Variants in MIS18A observed in about 807,000 individuals in gnomAD.
MIS18A encodes MIS18 kinetochore protein A.
MIS18A carries 14 observed loss-of-function variants against 25.0 expected under a neutral mutation model. The observed-to-expected ratio is 0.56, with a 90% CI of 0.37 to 0.88. MIS18A has a LOEUF of 0.88. Among genes scored for constraint, MIS18A ranks in the 40% least tolerant of loss-of-function variants. The pLI is 0.00. For missense variants in MIS18A, 292 were observed against 290.8 expected (o/e 1.00, Z -0.03); for synonymous variants, 134 against 118.6 (o/e 1.13, Z -0.84).
chr21:32,245,213 T>C, the MIS18A span, among the ~76,000 whole-genome samples: 9 of 152,278 alleles, frequency 5.9e-5, no homozygotes, highest in East Asian at 1.7e-3. Context: ...TACAATAAAT[T>C]AAAAGAATGC....
the MIS18A span, among the ~76,000 whole-genome samples, chr21:32,235,870 T>A: frequency 6.6e-6 from 1 of 152,250 alleles, no homozygotes; most frequent in East Asian, 1.9e-4. Context: ...GGACAGCTCT[T>A]ACTTCCAGGA....
the MIS18A span, among the ~76,000 whole-genome samples, chr21:32,230,957 G>A: frequency 2.0e-5 from 3 of 152,166 alleles, no homozygotes; most frequent in Non-Finnish European, 4.4e-5. Context: ...CACACAGGCT[G>A]GGCGCAGTGG....
At chr21:32,234,018 G>A in the MIS18A span, among the ~76,000 whole-genome samples, 1 of 152,138 alleles carries the variant, frequency 6.6e-6, no homozygotes, top group African/African-American at 2.4e-5. Context: ...TGGGCTCCTG[G>A]GGCAGAAAAA....
the MIS18A span, among the ~76,000 whole-genome samples, chr21:32,259,372 G>GA: frequency 6.6e-6 from 1 of 152,148 alleles, no homozygotes; most frequent in Non-Finnish European, 1.5e-5. Context: ...GAAGGCTGGG[G>GA]AGCCACTTTT....
At chr21:32,161,167 C>T in the MIS18A span, among the ~76,000 whole-genome samples, 1 of 152,196 alleles carries the variant, frequency 6.6e-6, no homozygotes, top group African/African-American at 2.4e-5. Context: ...TATTAAAGTT[C>T]ATACTTTAGC....
the MIS18A span, among the ~76,000 whole-genome samples, chr21:32,244,026 C>A: frequency 5.9e-5 from 9 of 152,138 alleles, no homozygotes; most frequent in Admixed American, 5.9e-4. Flanking sequence ...TGTCCATCAT[C>A]AGTGGGTTAA....
the MIS18A span, among the ~76,000 whole-genome samples, chr21:32,161,359 T>C: frequency 1.3e-5 from 2 of 152,228 alleles, no homozygotes; most frequent in Non-Finnish European, 2.9e-5. Flanking sequence ...TTGGGTATTT[T>C]ATAAAATGTC....
At chr21:32,195,576 T>C in the MIS18A span, among the ~76,000 whole-genome samples, 2 of 152,296 alleles carry the variant, frequency 1.3e-5, no homozygotes, top group East Asian at 3.9e-4. Flanking sequence ...CCAATCAGGG[T>C]CCTTTCTGGA....
chr21:32,164,033 G>A, the MIS18A span, among the ~76,000 whole-genome samples: 13 of 152,118 alleles, frequency 8.5e-5, no homozygotes, highest in African/African-American at 2.9e-4. Flanking sequence ...TCAACAAGCA[G>A]TACTTGTGAG....
chr21:32,248,121 C>T, the MIS18A span, among the ~76,000 whole-genome samples: 1 of 152,336 alleles, frequency 6.6e-6, no homozygotes, highest in East Asian at 1.9e-4. Flanking sequence ...TCCCAGGCTA[C>T]ACTTCCTGGT....
At chr21:32,235,726 C>A in the MIS18A span, among the ~76,000 whole-genome samples, 166 of 152,302 alleles carry the variant, frequency 1.1e-3, no homozygotes, top group African/African-American at 3.8e-3. Context: ...GGAGACACCG[C>A]GTTCAGGCAC....
At chr21:32,200,292 G>A in the MIS18A span, among the ~76,000 whole-genome samples, 3 of 152,218 alleles carry the variant, frequency 2.0e-5, no homozygotes, top group South Asian at 2.1e-4. Context: ...CCTGGCCCAA[G>A]AGAACAAGTG....
At chr21:32,276,057 C>T (rs1261769250) in intron 1 of MIS18A, among the ~76,000 whole-genome samples, 1 of 152,192 alleles carries the variant, frequency 6.6e-6, no homozygotes, top group Non-Finnish European at 1.5e-5. Flanking sequence ...TTTCTGATCT[C>T]TTCCTTCCTC....
chr21:32,168,699 G>C, the MIS18A span, among the ~76,000 whole-genome samples: 4 of 152,126 alleles, frequency 2.6e-5, no homozygotes, highest in African/African-American at 9.7e-5. Context: ...TGACAGTTGT[G>C]ATATTTAAAG....
the MIS18A span, among the ~76,000 whole-genome samples, chr21:32,246,356 C>T: frequency 4.6e-5 from 7 of 152,120 alleles, no homozygotes; most frequent in South Asian, 4.1e-4. Flanking sequence ...GGACTGCACA[C>T]GCCCTTCGGT....
At chr21:32,190,569 A>T in the MIS18A span, among the ~76,000 whole-genome samples, 1 of 152,172 alleles carries the variant, frequency 6.6e-6, no homozygotes, top group Non-Finnish European at 1.5e-5. Context: ...ACTAAACAAG[A>T]CACCCACATA....
chr21:32,271,949 C>T (rs922142045), intron 2 of MIS18A, among the ~76,000 whole-genome samples: 3 of 152,134 alleles, frequency 2.0e-5, no homozygotes, highest in African/African-American at 7.2e-5. Context: ...GCTTGAACTC[C>T]CCAAATCCAC....
the MIS18A span, among the ~76,000 whole-genome samples, chr21:32,191,381 A>G: frequency 2.6e-5 from 4 of 151,922 alleles, no homozygotes; most frequent in South Asian, 8.3e-4. Flanking sequence ...CTTGAGCCCA[A>G]GAGTTCAAGA....
the MIS18A span, among the ~76,000 whole-genome samples, chr21:32,257,400 A>G: frequency 6.6e-6 from 1 of 152,224 alleles, no homozygotes; most frequent in South Asian, 2.1e-4. Flanking sequence ...TTTCTTCAAG[A>G]CATGCACCTG....
Sources: gnomAD v4.1 joint callset for allele counts (sites outside exome capture counted in the v4.1 genomes callset) on GRCh38, gnomAD v4.1.1 for gene constraint, MANE v1.5 for transcripts, NCBI Gene and HGNC (gene_info 2026-07-23, HGNC 2026-07-21) for gene names.